The following ZNF385D variants were observed in gnomAD, a reference collection of about 807,000 sequenced individuals.
The protein encoded by ZNF385D is zinc finger protein 385D, also known as zinc finger protein 659.
ZNF385D carries 15 observed loss-of-function variants against 35.8 expected under a neutral mutation model. The ratio of observed to expected loss-of-function variants is 0.42; its 90% CI spans 0.28 to 0.64. The LOEUF (loss-of-function observed/expected upper bound fraction) is 0.64, where lower values mean the gene tolerates loss of function less well. Ranked by LOEUF, ZNF385D falls within the 30% of genes least tolerant of loss-of-function variation. The pLI, the probability that ZNF385D is intolerant of heterozygous loss-of-function variation, is 0.23. For synonymous variants in ZNF385D, 212 were observed against 186.8 expected, an observed-to-expected ratio of 1.13 and a Z score of -1.10; for missense variants, 474 against 494.6, an observed-to-expected ratio of 0.96 and a Z score of 0.39.
intron 3 of ZNF385D, among the ~76,000 whole-genome samples, chr3:22,043,886 T>C (rs1698824379): frequency 6.6e-6 from 1 of 152,082 alleles, no homozygotes; most frequent in Admixed American, 6.6e-5. Context: ...AAGAAGATGA[T>C]CATGTAAGCA....
chr3:21,992,642 C>T (rs897773914), intron 3 of ZNF385D, among the ~76,000 whole-genome samples: 10 of 152,064 alleles, frequency 6.6e-5, no homozygotes, highest in Middle Eastern at 3.2e-3. Flanking sequence ...AGCTAAAGTT[C>T]GCATTATTAT....
rs78161136 is a variant in ZNF385D, at chr3:21,484,053, C to T, written c.439+26808G>A. 4.6e-3 allele frequency among the ~76,000 whole-genome samples: 700 copies of T among 152,068 alleles called. 29 individuals are homozygous for T. In the South Asian group the frequency reaches 0.08, roughly 17 times the overall value. On this transcript the variant is annotated intron_variant, in intron 4 of 7. Coordinates refer to ENST00000281523, the MANE Select transcript of ZNF385D (RefSeq NM_024697.3). ...ACTGTAACAAGGGATTGCTTAATGACGATTGTATAGTAAGAAATAAAGACA... is the reference window on the plus strand; with the variant it reads ...ACTGTAACAAGGGATTGCTTAATGATGATTGTATAGTAAGAAATAAAGACA...
intron 3 of ZNF385D, among the ~76,000 whole-genome samples, chr3:21,832,767 G>A (rs1011125754): frequency 2.0e-5 from 3 of 152,094 alleles, no homozygotes; most frequent in African/African-American, 7.2e-5. Flanking sequence ...GTGTGAAGTT[G>A]TACTAGACAT....
chr3:22,236,787 T>C (rs1039410427), intron 2 of ZNF385D, among the ~76,000 whole-genome samples: 1 of 152,198 alleles, frequency 6.6e-6, no homozygotes, highest in Non-Finnish European at 1.5e-5. Flanking sequence ...GGGCATTTTA[T>C]ATAAATAGAA....
rs111259572 is a variant in ZNF385D at position 21,928,243 on chromosome 3, G to GAAGA, written c.325+240570_325+240573dup. On this transcript the variant is annotated intron_variant, in intron 3 of 5. Coordinates refer to the ZNF385D transcript ENST00000494108. ...GGATGGACGGACGGACAGACGGAAG[G>GAAGA]AAGAAAGGAAGGAAGAAGGAAGGAA... Among the ~76,000 whole-genome samples the GAAGA allele has an allele frequency of 7.7e-3, 1,054 of 136,130 alleles. 12 individuals are homozygous for GAAGA. Among genetic ancestry groups the GAAGA allele is most frequent in the African/African-American group, 0.023 (870 of 37,338 alleles). 89.3% of individuals were successfully genotyped at this position (136,130 alleles called of 152,430 possible).
chr3:21,748,442 C>T (rs1450840444), intron 1 of ZNF385D, among the ~76,000 whole-genome samples: 1 of 151,954 alleles, frequency 6.6e-6, no homozygotes, highest in African/African-American at 2.4e-5. Flanking sequence ...TGGGGGGCAA[C>T]ACTGACAAAT....
intron 3 of ZNF385D, among the ~76,000 whole-genome samples, chr3:21,786,461 T>C (rs2071694321): frequency 6.6e-6 from 1 of 152,144 alleles, no homozygotes. Flanking sequence ...GCAAATGGGA[T>C]ATAGTGCCTC....
chr3:21,556,676 CTGT>C (rs2062753275), intron 3 of ZNF385D, among the ~76,000 whole-genome samples: 1 of 151,890 alleles, frequency 6.6e-6, no homozygotes. Context: ...CAGCTTTGTT[CTGT>C]TCGCTTAGGA....
At chr3:21,712,024 TG>T (rs2068128829) in intron 1 of ZNF385D, among the ~76,000 whole-genome samples, 1 of 152,208 alleles carries the variant, frequency 6.6e-6, no homozygotes, top group Non-Finnish European at 1.5e-5. Context: ...ATTTATTTGG[TG>T]AAGGATTTGA....
intron 2 of ZNF385D, among the ~76,000 whole-genome samples, chr3:22,355,302 A>C (rs1696099950): frequency 6.6e-6 from 1 of 152,030 alleles, no homozygotes; most frequent in Admixed American, 6.6e-5. Context: ...AATAACATGC[A>C]TAGTTTTTAA....
At chr3:21,938,968 C>T (rs962343642) in intron 3 of ZNF385D, among the ~76,000 whole-genome samples, 5 of 152,212 alleles carry the variant, frequency 3.3e-5, no homozygotes, top group Non-Finnish European at 5.9e-5. Flanking sequence ...TCTTCCAGTT[C>T]AAGGCCCATC....
At chr3:21,915,094 T>G (rs922629464) in intron 3 of ZNF385D, among the ~76,000 whole-genome samples, 2 of 152,064 alleles carry the variant, frequency 1.3e-5, no homozygotes, top group African/African-American at 4.8e-5. Context: ...TGGATTTTTT[T>G]AACACCTTAC....
intron 3 of ZNF385D, among the ~76,000 whole-genome samples, chr3:21,786,340 A>C (rs146436431): frequency 6.6e-6 from 1 of 152,208 alleles, no homozygotes. Context: ...CAGTCCAAGA[A>C]AAAGCCAAGA....
intron 3 of ZNF385D, among the ~76,000 whole-genome samples, chr3:21,844,327 GAGAAC>G (rs1288770115): frequency 6.6e-6 from 1 of 151,868 alleles, no homozygotes; most frequent in African/African-American, 2.4e-5. Context: ...ATCCTCAATT[GAGAAC>G]AGAGGATCAC....
chr3:22,261,418 A>C (rs1700625734), intron 2 of ZNF385D, among the ~76,000 whole-genome samples: 1 of 152,034 alleles, frequency 6.6e-6, no homozygotes, highest in Non-Finnish European at 1.5e-5. Context: ...GCTAGTAAAT[A>C]ATCATTAAAG....
At chr3:21,521,490 C>T (rs960212133) in intron 3 of ZNF385D, among the ~76,000 whole-genome samples, 3 of 152,160 alleles carry the variant, frequency 2.0e-5, no homozygotes, top group Admixed American at 6.5e-5. Context: ...CAGTGGCTTA[C>T]ACTTGTAATC....
At chr3:22,177,349 G>A (rs1694903279) in intron 2 of ZNF385D, among the ~76,000 whole-genome samples, 1 of 152,164 alleles carries the variant, frequency 6.6e-6, no homozygotes, top group Non-Finnish European at 1.5e-5. Flanking sequence ...AATTTCTGAA[G>A]ACCTGAGTTA....
At chr3:21,431,893 T>C (rs1158222582) in intron 5 of ZNF385D, among the ~76,000 whole-genome samples, 1 of 152,172 alleles carries the variant, frequency 6.6e-6, no homozygotes, top group African/African-American at 2.4e-5. Context: ...ATTTCACTTC[T>C]GAACACAGAG....
chr3:21,975,494 G>A (rs1301692658), intron 3 of ZNF385D, among the ~76,000 whole-genome samples: 1 of 151,802 alleles, frequency 6.6e-6, no homozygotes, highest in Non-Finnish European at 1.5e-5. Flanking sequence ...AGCACAACAA[G>A]GTGACTACAC....
Sources: allele counts gnomAD v4.1 joint callset (sites outside exome capture counted in the v4.1 genomes callset), GRCh38; gene constraint gnomAD v4.1.1; transcripts MANE v1.5; gene names NCBI Gene and HGNC (gene_info 2026-07-23, HGNC 2026-07-21).